Variants in APP observed in about 807,000 individuals in gnomAD.
The protein encoded by APP is amyloid-beta precursor protein.
A neutral mutation model predicts 101.4 loss-of-function variants in APP; 31 were observed. The ratio of observed to expected loss-of-function variants is 0.31; its 90% CI spans 0.23 to 0.41. The LOEUF is 0.41. APP is among the 10% of genes least tolerant of loss of function. The probability of loss-of-function intolerance (pLI) is 1.00; values close to 1 mark genes in which losing one functional copy is unlikely to be tolerated. For synonymous variants in APP, 366 were observed against 364.4 expected, an observed-to-expected ratio of 1.00 and a Z score of -0.05; for missense variants, 839 against 1,003.7, an observed-to-expected ratio of 0.84 and a Z score of 2.22.
intron 1 of APP, among the ~76,000 whole-genome samples, chr21:26,116,745 G>A (rs571242020): frequency 6.6e-6 from 1 of 152,302 alleles, no homozygotes; most frequent in South Asian, 2.1e-4. Flanking sequence ...GTAATTTTAA[G>A]GTTTCTGGCT....
chr21:25,909,002 G>A (rs2038927309), intron 14 of APP, among the ~76,000 whole-genome samples: 1 of 152,108 alleles, frequency 6.6e-6, no homozygotes, highest in Non-Finnish European at 1.5e-5. Context: ...CGTGGCTCAT[G>A]CCTGTAATCC....
At chr21:25,954,943 T>G (rs562287959) in intron 12 of APP, among the ~76,000 whole-genome samples, 216 of 20,202 alleles carry the variant, frequency 0.011, no homozygotes, top group Middle Eastern at 0.02. Flanking sequence ...CTTTTTGAGC[T>G]CAGGTTTAAG....
intron 1 of APP, chr21:26,140,043 G>A: frequency 1.1e-6 from 1 of 887,690 alleles, no homozygotes; most frequent in Non-Finnish European, 1.7e-6. Flanking sequence ...CCCTACTTTG[G>A]TCACAATAAG....
intron 13 of APP, among the ~76,000 whole-genome samples, chr21:25,920,465 G>A (rs2146350711): frequency 6.6e-6 from 1 of 152,232 alleles, no homozygotes; most frequent in African/African-American, 2.4e-5. Flanking sequence ...CCATCAGTGT[G>A]CTGTATTCAG....
upstream of APP, chr21:26,170,851 C>T (rs1217938864): frequency 2.3e-6 from 1 of 438,908 alleles, no homozygotes; most frequent in African/African-American, 2.1e-5. Flanking sequence ...CGAGAGAGAC[C>T]CCTAGCGGCG....
At chr21:25,926,217 A>G (rs1455305805) in intron 13 of APP, among the ~76,000 whole-genome samples, 1 of 152,232 alleles carries the variant, frequency 6.6e-6, no homozygotes, top group Non-Finnish European at 1.5e-5. Flanking sequence ...AGGGCATCAC[A>G]GGACAAACTT....
intron 2 of APP, among the ~76,000 whole-genome samples, chr21:26,107,567 A>G (rs1466926653): frequency 6.6e-6 from 1 of 151,992 alleles, no homozygotes; most frequent in Non-Finnish European, 1.5e-5. Flanking sequence ...TTCCTATCCT[A>G]TCTCTCTGGC....
At chr21:26,086,374 T>C (rs1178741721) in intron 3 of APP, among the ~76,000 whole-genome samples, 2 of 152,156 alleles carry the variant, frequency 1.3e-5, no homozygotes, top group African/African-American at 2.4e-5. Flanking sequence ...ACAAGAAATG[T>C]ATAGCACATA....
chr21:26,083,019 T>G (rs973076819), intron 3 of APP, among the ~76,000 whole-genome samples: 2 of 152,162 alleles, frequency 1.3e-5, no homozygotes, highest in Non-Finnish European at 2.9e-5. Context: ...TACAGGCGCT[T>G]TTACTCTATC....
intron 5 of APP, among the ~76,000 whole-genome samples, chr21:26,040,638 A>C (rs1472295055): frequency 2.0e-5 from 3 of 149,574 alleles, no homozygotes; most frequent in Non-Finnish European, 4.4e-5. Context: ...GTGTGGAAGC[A>C]GGCACCTGTA....
chr21:26,033,253 C>T (rs1038415077), intron 5 of APP, among the ~76,000 whole-genome samples: 1 of 152,096 alleles, frequency 6.6e-6, no homozygotes, highest in Non-Finnish European at 1.5e-5. Flanking sequence ...ATGCTGTTCT[C>T]GTGACAGTGA....
At chr21:26,036,320 A>T (rs2045108400) in intron 5 of APP, among the ~76,000 whole-genome samples, 1 of 152,110 alleles carries the variant, frequency 6.6e-6, no homozygotes, top group Non-Finnish European at 1.5e-5. Flanking sequence ...GCCTGCATAA[A>T]CAATGTGTAG....
chr21:26,116,075 T>C (rs1290663507), intron 1 of APP, among the ~76,000 whole-genome samples: 1 of 152,146 alleles, frequency 6.6e-6, no homozygotes, highest in East Asian at 1.9e-4. Context: ...GACTTGCCAC[T>C]GACATCATAA....
chr21:26,095,283 A>G (rs909772061), intron 2 of APP, among the ~76,000 whole-genome samples: 2 of 152,358 alleles, frequency 1.3e-5, no homozygotes, highest in Non-Finnish European at 2.9e-5. Flanking sequence ...CCAGCCAACA[A>G]TAAGTTTTAA....
chr21:26,169,794 G>A lies in APP; in HGVS notation c.57+770C>T, dbSNP rs563380440. On this transcript the variant is annotated intron_variant, in intron 1 of 17. Coordinates refer to ENST00000346798, the MANE Select transcript of APP (RefSeq NM_000484.4). ...CTTCTGCCTCTCAGACAGAGCTTAG[G>A]GTGCGAGCGAACTCCCGGGACGTCC... is the stretch of plus-strand genomic sequence containing the variant. Among the ~76,000 whole-genome samples, 10 of 152,362 alleles carry A rather than the reference G, an allele frequency of 6.6e-5. No homozygotes were observed. In the South Asian group the frequency reaches 2.1e-3, roughly 32 times the overall value.
rs556172864 is a variant in APP, at chr21:25,952,185, C to CAT, written c.1687+2403_1687+2404dup. On this transcript the variant is annotated intron_variant, in intron 13 of 17. Transcript: ENST00000346798. ...TAATGGGTGGATTGAGAGCATATTACATACATACACACACACACACACACA... is the reference window on the plus strand; with the variant it reads ...TAATGGGTGGATTGAGAGCATATTACATATACATACACACACACACACACACA... Among the ~76,000 whole-genome samples, 816 of 139,212 alleles carry CAT rather than the reference C, an allele frequency of 5.9e-3. 9 individuals are homozygous for CAT. The highest frequency in any genetic ancestry group is 0.02 in the African/African-American group (773 of 38,960). 91.3% of individuals were successfully genotyped at this position (139,212 alleles called of 152,430 possible).
chr21:25,891,199 T>A (rs956096040), intron 17 of APP, among the ~76,000 whole-genome samples: 4 of 151,426 alleles, frequency 2.6e-5, no homozygotes, highest in African/African-American at 9.8e-5. Flanking sequence ...GGTGGGCCAT[T>A]TGGTATAGTG....
In APP at chr21:26,111,966, G is replaced by A. The variant is rs200888218; in HGVS notation, c.225+13C>T. 40 of 1,613,696 alleles carry A rather than the reference G, an allele frequency of 2.5e-5. No individual in the cohort carries two copies. Among genetic ancestry groups the A allele is most frequent in the African/African-American group, 6.7e-5 (5 of 74,876 alleles). On this transcript the variant is annotated intron_variant, in intron 2 of 17. Coordinates refer to ENST00000346798, the MANE Select transcript of APP (RefSeq NM_000484.4). The stretch of plus-strand genomic sequence containing the variant: ...GATCCAACGTGAATTGCTAGCCACC[G>A]GACAGGACTTACTTCTTGGCAATAC...
At chr21:26,072,137 T>C (rs1464794361) in intron 3 of APP, among the ~76,000 whole-genome samples, 5 of 152,252 alleles carry the variant, frequency 3.3e-5, no homozygotes, top group Non-Finnish European at 5.9e-5. Flanking sequence ...AAAAGCCAAC[T>C]GGTGTACCAA....
Sources: gnomAD v4.1 joint callset for allele counts (sites outside exome capture counted in the v4.1 genomes callset) on GRCh38, gnomAD v4.1.1 for gene constraint, MANE v1.5 for transcripts, NCBI Gene and HGNC (gene_info 2026-07-23, HGNC 2026-07-21) for gene names.